Variants in PCDHA4 observed in about 807,000 individuals in gnomAD.
PCDHA4 encodes the protein protocadherin alpha-4.
PCDHA4 carries 49 observed loss-of-function variants against 61.4 expected under a neutral mutation model. The observed-to-expected ratio is 0.80, with a 90% CI of 0.63 to 1.01. The LOEUF is 1.01. Among genes scored for constraint, PCDHA4 ranks in the 50% least tolerant of loss-of-function variants. The pLI is 0.00. For synonymous variants in PCDHA4, 590 were observed against 550.3 expected (o/e 1.07, Z -1.01); for missense variants, 1,254 against 1,235.8 (o/e 1.01, Z -0.22).
At chr5:140,826,718 G>A (rs2150145138) in intron 1 of PCDHA4, among the ~76,000 whole-genome samples, 1 of 152,166 alleles carries the variant, frequency 6.6e-6, no homozygotes, top group Non-Finnish European at 1.5e-5. Context: ...TGAGAAAGAG[G>A]AAGAGCAAGT....
At chr5:140,929,935 T>C (rs1253092331) in intron 1 of PCDHA4, 1 of 152,218 alleles carries the variant, frequency 6.6e-6, no homozygotes, top group Non-Finnish European at 1.5e-5. Context: ...CAGTGTATTC[T>C]CTAGCCTATA....
chr5:140,892,250 T>G (rs781827855), intron 1 of PCDHA4, among the ~76,000 whole-genome samples: 2 of 152,182 alleles, frequency 1.3e-5, no homozygotes, highest in Non-Finnish European at 2.9e-5. Flanking sequence ...AACCTGGTTA[T>G]CTTTGATTTT....
chr5:140,962,569 T>A (rs782016565), intron 1 of PCDHA4, among the ~76,000 whole-genome samples: 17 of 152,194 alleles, frequency 1.1e-4, no homozygotes, highest in African/African-American at 1.7e-4. Context: ...TAAAAGCCAA[T>A]TGTTAATGCC....
intron 1 of PCDHA4, chr5:140,836,268 G>A: frequency 6.2e-7 from 1 of 1,613,816 alleles, no homozygotes; most frequent in African/African-American, 1.3e-5. Flanking sequence ...GCTGTACACT[G>A]GTGAGATCAG....
At chr5:140,926,708 C>T in intron 1 of PCDHA4, 2 of 896,260 alleles carry the variant, frequency 2.2e-6, no homozygotes, top group Non-Finnish European at 3.1e-6. Flanking sequence ...CCCAGCTGGC[C>T]AGCCCCGGCA....
intron 1 of PCDHA4, among the ~76,000 whole-genome samples, chr5:140,965,185 C>T (rs1348990210): frequency 6.6e-6 from 1 of 152,138 alleles, no homozygotes; most frequent in Non-Finnish European, 1.5e-5. Flanking sequence ...TTTTTTTGCA[C>T]ATGAGGCAAT....
intron 1 of PCDHA4, chr5:140,870,154 G>T (rs1243170344): frequency 6.2e-7 from 1 of 1,614,130 alleles, no homozygotes; most frequent in African/African-American, 1.3e-5. Flanking sequence ...TGAAGTCGCC[G>T]TGACTTCCTT....
intron 1 of PCDHA4, among the ~76,000 whole-genome samples, chr5:140,908,155 G>C (rs559304647): frequency 6.6e-6 from 1 of 152,194 alleles, no homozygotes; most frequent in Non-Finnish European, 1.5e-5. Context: ...TCCTAGGAAG[G>C]GGCTGTAGTG....
rs147252917 is a variant in PCDHA4 at position 140,835,512 on chromosome 5, C to T, written c.2385+25940C>T. On this transcript the variant is annotated intron_variant, in intron 1 of 3. Coordinates refer to ENST00000530339, the MANE Select transcript of PCDHA4 (RefSeq NM_018907.4). ...CATCACATTGATTAGCGTGTTTGAC[C>T]GAGATTTTGGAGTCAACGGACAGGT... 259 of 1,613,798 alleles carry T rather than the reference C, an allele frequency of 1.6e-4. 5 individuals carry two copies. Among genetic ancestry groups the T allele is most frequent in the Non-Finnish European group, 2.1e-4 (250 of 1,179,884 alleles).
At position 140,809,230 on chromosome 5, in the gene PCDHA4, G is replaced by A. The variant is rs1581701198; in HGVS notation, c.2043G>A (p.Arg681=). The A allele has an allele frequency of 6.2e-7, 1 of 1,614,104 alleles. No homozygotes were observed. Among genetic ancestry groups the A allele is most frequent in the East Asian group, 2.2e-5 (1 of 44,878 alleles). ...ESGQAPKASS[R]ALVGAVGPDA... ...GACAGGCGCCAAAGGCCTCCTCACGGGCGTTGGTGGGCGCTGTGGGTCCCG... is the reference window on the plus strand; with the variant it reads ...GACAGGCGCCAAAGGCCTCCTCACGAGCGTTGGTGGGCGCTGTGGGTCCCG... The change falls in exon 1 of 4, where the codon CGG becomes CGA. Residue 681 remains arginine (R), a synonymous_variant. Coordinates refer to ENST00000530339, the MANE Select transcript of PCDHA4 (RefSeq NM_018907.4).
rs147693617 is a variant in PCDHA4 at position 140,830,361 on chromosome 5, G to T, written c.2385+20789G>T. ...TCGTACTCGCAGCAGAGGCGGCAGA[G>T]GGTGTGCTCCGGGGAGGGCCCACCC... On this transcript the variant is annotated intron_variant, in intron 1 of 3. Transcript: ENST00000530339. 2.5e-6 allele frequency: 4 copies of T among 1,614,008 alleles called. No homozygotes were observed. The African/African-American group carries it at 5.3e-5, about 22-fold the overall frequency.
chr5:140,882,153 A>C (rs1197738298), intron 1 of PCDHA4: 8 of 1,505,202 alleles, frequency 5.3e-6, no homozygotes, highest in Non-Finnish European at 7.1e-6. Flanking sequence ...CAGAAAGCGG[A>C]ATACCTCTTG....
intron 1 of PCDHA4, chr5:140,870,613 T>C (rs1562647895): frequency 1.2e-6 from 2 of 1,613,078 alleles, no homozygotes; most frequent in Non-Finnish European, 1.7e-6. Flanking sequence ...CCGCGCGCTG[T>C]CGAGCTACGT....
chr5:140,841,746 T>G (rs1562391326), intron 1 of PCDHA4: 2 of 1,613,910 alleles, frequency 1.2e-6, no homozygotes, highest in Non-Finnish European at 1.7e-6. Flanking sequence ...AAGCTGTTTG[T>G]TTCAGAATCC....
chr5:140,876,723 C>T (rs782820769), intron 1 of PCDHA4: 2 of 1,614,130 alleles, frequency 1.2e-6, no homozygotes, highest in African/African-American at 1.3e-5. Flanking sequence ...ACCGCGAGAG[C>T]GTGTCGGCCT....
At chr5:140,840,559 A>G (rs1776766288) in intron 1 of PCDHA4, among the ~76,000 whole-genome samples, 1 of 152,098 alleles carries the variant, frequency 6.6e-6, no homozygotes, top group Non-Finnish European at 1.5e-5. Flanking sequence ...CAATACTGCT[A>G]GAGTTTGGCA....
chr5:140,927,049 C>T (rs1554203972), intron 1 of PCDHA4: 5 of 1,611,932 alleles, frequency 3.1e-6, no homozygotes, highest in Non-Finnish European at 4.2e-6. Context: ...TATGTCCTCG[C>T]GGAACTTTCG....
At chr5:140,863,233 C>T (rs2047882202) in intron 1 of PCDHA4, 3 of 1,240,302 alleles carry the variant, frequency 2.4e-6, no homozygotes, top group Non-Finnish European at 3.4e-6. Context: ...GGTCCCATCG[C>T]GGGCTTTGGC....
chr5:140,927,607 C>T, intron 1 of PCDHA4: 2 of 1,614,180 alleles, frequency 1.2e-6, no homozygotes, highest in Non-Finnish European at 8.5e-7. Flanking sequence ...CTCCGTATAC[C>T]GCACCAAGGT....
Sources: allele counts gnomAD v4.1 joint callset (sites outside exome capture counted in the v4.1 genomes callset), GRCh38; gene constraint gnomAD v4.1.1; transcripts MANE v1.5; gene names NCBI Gene and HGNC (gene_info 2026-07-23, HGNC 2026-07-21).